The following DCLK1 variants were observed in gnomAD, a reference collection of about 807,000 sequenced individuals.
The protein encoded by DCLK1 is serine/threonine-protein kinase DCLK1.
A neutral mutation model predicts 86.2 loss-of-function variants in DCLK1; 16 were observed. That is an observed-to-expected ratio of 0.19 (90% CI 0.13 to 0.28). DCLK1 has a LOEUF of 0.28. Among genes scored for constraint, DCLK1 ranks in the 10% least tolerant of loss-of-function variants. The pLI, the probability that DCLK1 is intolerant of heterozygous loss-of-function variation, is 1.00. For missense variants in DCLK1, 590 were observed against 940.2 expected (o/e 0.63, Z 4.87); for synonymous variants, 369 against 370.5 (o/e 1.00, Z 0.05).
At chr13:36,067,447 T>C (rs1429147583) in intron 3 of DCLK1, among the ~76,000 whole-genome samples, 2 of 137,564 alleles carry the variant, frequency 1.5e-5, no homozygotes, top group Non-Finnish European at 3.1e-5. Flanking sequence ...TTAGGAGATA[T>C]ACCTAATGCT....
intron 6 of DCLK1, chr13:35,847,346 AAGAGCC>A (rs571706040): frequency 3.0e-6 from 3 of 985,154 alleles, no homozygotes; most frequent in Non-Finnish European, 3.6e-6. Flanking sequence ...ATAATTCCAC[AAGAGCC>A]AGTAACTTAT....
chr13:36,059,422 T>A (rs1883456341), intron 3 of DCLK1, among the ~76,000 whole-genome samples: 1 of 150,364 alleles, frequency 6.7e-6, no homozygotes, highest in Non-Finnish European at 1.5e-5. Context: ...CCAAAAGCAG[T>A]TTATAAGGCA....
rs2086280889 is a variant in DCLK1 at position 35,769,003 on chromosome 13, T to C, written c.*5532A>G. 1 of 152,206 alleles carries C rather than the reference T, an allele frequency of 6.6e-6. No individual in the cohort carries two copies. The highest frequency in any genetic ancestry group is 2.4e-5 in the African/African-American group (1 of 41,458). 9.4% of individuals were successfully genotyped at this position (152,206 alleles called of 1,614,324 possible). A position where few individuals can be genotyped will look rare whatever the true frequency, so the allele number is the denominator to read the frequency against. ...TAGTTCATACACCAAGTACTATTAT[T>C]TTATTAACTTTAAGAACATGTTTTA... On this transcript the variant is annotated 3_prime_UTR_variant, in exon 17 of 17. Coordinates refer to ENST00000360631, the MANE Select transcript of DCLK1 (RefSeq NM_001330071.2).
At chr13:35,953,861 G>A (rs1016889614) in intron 3 of DCLK1, among the ~76,000 whole-genome samples, 8 of 152,202 alleles carry the variant, frequency 5.3e-5, no homozygotes, top group Admixed American at 5.2e-4. Context: ...AAACGAAACA[G>A]GGGATATCTC....
chr13:35,931,747 C>G (rs1876444125), intron 4 of DCLK1, among the ~76,000 whole-genome samples: 1 of 152,168 alleles, frequency 6.6e-6, no homozygotes. Context: ...CTATAGTCCT[C>G]AGCATCTGAT....
rs189544224 is a variant in DCLK1 at position 35,808,103 on chromosome 13, C to T, written c.1863+121G>A. The T allele has an allele frequency of 4.0e-5, 39 of 984,150 alleles. No homozygotes were observed. The East Asian group carries it at 7.2e-4, about 18-fold the overall frequency. 61.0% of individuals were successfully genotyped at this position (984,150 alleles called of 1,614,324 possible). A position where few individuals can be genotyped will look rare whatever the true frequency, so the allele number is the denominator to read the frequency against. On this transcript the variant is annotated intron_variant, in intron 14 of 16. Transcript: ENST00000360631. ...ATCTTGGAAAACCTAGCAATTACAA[C>T]TAAAATGTGTACAGAAATCATACTT...
At chr13:35,835,986 C>T (rs372546898) in intron 8 of DCLK1, 47 bp downstream of exon 8, 23 of 1,356,792 alleles carry the variant, frequency 1.7e-5, no homozygotes, top group African/African-American at 4.3e-5. Context: ...GAAAACATAA[C>T]GCCAAATGTA....
rs375271283 is a variant in DCLK1, at chr13:36,016,877, C to T, written c.724-69420G>A. 4.1e-4 allele frequency among the ~76,000 whole-genome samples: 62 copies of T among 152,260 alleles called. 1 individual carries two copies. Among genetic ancestry groups the T allele is most frequent in the African/African-American group, 1.4e-3 (58 of 41,542 alleles). On this transcript the variant is annotated intron_variant, in intron 3 of 16. Transcript: ENST00000360631. ...ATTTTATGGCATGAAGTCTTTGACACGGTGTGCGTACTTCACATTTACAAC... is the reference window on the plus strand; with the variant it reads ...ATTTTATGGCATGAAGTCTTTGACATGGTGTGCGTACTTCACATTTACAAC...
chr13:35,831,572 C>G (rs933580499), intron 8 of DCLK1, among the ~76,000 whole-genome samples: 1 of 152,070 alleles, frequency 6.6e-6, no homozygotes, highest in Non-Finnish European at 1.5e-5. Context: ...GGGAACGAGA[C>G]CTGATCCTTG....
chr13:35,978,239 C>T (rs1879456322), intron 3 of DCLK1, among the ~76,000 whole-genome samples: 1 of 122,666 alleles, frequency 8.2e-6, no homozygotes, highest in African/African-American at 3.1e-5. Flanking sequence ...CGGAGTCTCA[C>T]TCTGTCACCC....
intron 3 of DCLK1, among the ~76,000 whole-genome samples, chr13:36,036,331 A>C (rs968403014): frequency 3.9e-5 from 6 of 152,072 alleles, no homozygotes; most frequent in Non-Finnish European, 8.8e-5. Flanking sequence ...GCTGCTGTGC[A>C]CTCTACCGCT....
intron 2 of DCLK1, among the ~76,000 whole-genome samples, chr13:36,125,047 A>C (rs1293906855): frequency 6.6e-6 from 1 of 152,182 alleles, no homozygotes; most frequent in Non-Finnish European, 1.5e-5. Flanking sequence ...ACCAGGCTGC[A>C]TCCGTGGACG....
intron 4 of DCLK1, among the ~76,000 whole-genome samples, chr13:35,921,501 C>T (rs1315832498): frequency 6.6e-6 from 1 of 152,178 alleles, no homozygotes; most frequent in Non-Finnish European, 1.5e-5. Flanking sequence ...CTTAGATCCA[C>T]AATGCATGGT....
intron 3 of DCLK1, among the ~76,000 whole-genome samples, chr13:36,005,699 C>G (rs1214901268): frequency 6.6e-6 from 1 of 152,136 alleles, no homozygotes; most frequent in African/African-American, 2.4e-5. Context: ...GCTTGTGTTG[C>G]TGGAGTTGGT....
Position 35,789,752 on chromosome 13 carries a change from A to G in DCLK1, c.2058+3614T>C, listed in dbSNP as rs146221358. Among the ~76,000 whole-genome samples, 148 of 152,350 alleles carry G rather than the reference A, an allele frequency of 9.7e-4. 1 individual carries two copies. The highest frequency in any genetic ancestry group is 6.8e-3 in the Middle Eastern group (2 of 294). On this transcript the variant is annotated intron_variant, in intron 16 of 16. Transcript: ENST00000360631. ...ACATCTTAGTCATCGGTTCTTCATC[A>G]AGCTGAGCAAATCTAATAATGCCTC...
At chr13:35,991,044 T>C (rs1484122567) in intron 3 of DCLK1, among the ~76,000 whole-genome samples, 1 of 152,232 alleles carries the variant, frequency 6.6e-6, no homozygotes, top group East Asian at 1.9e-4. Context: ...CCCCAAAATA[T>C]GGCACCTTGT....
At chr13:35,991,249 C>T (rs1290597404) in intron 3 of DCLK1, among the ~76,000 whole-genome samples, 1 of 152,172 alleles carries the variant, frequency 6.6e-6, no homozygotes, top group Non-Finnish European at 1.5e-5. Context: ...ACCATTAGAT[C>T]AGACCTTTAT....
intron 4 of DCLK1, among the ~76,000 whole-genome samples, chr13:35,897,924 T>C (rs1399347331): frequency 6.6e-6 from 1 of 152,212 alleles, no homozygotes; most frequent in Non-Finnish European, 1.5e-5. Context: ...TTTATAAAAA[T>C]TAAATTTCAC....
intron 4 of DCLK1, among the ~76,000 whole-genome samples, chr13:35,875,156 G>T (rs559744077): frequency 6.6e-6 from 1 of 152,306 alleles, no homozygotes; most frequent in Non-Finnish European, 1.5e-5. Flanking sequence ...ACACATTGTT[G>T]TTAAGTAACA....
Sources: allele counts gnomAD v4.1 joint callset (sites outside exome capture counted in the v4.1 genomes callset), GRCh38; gene constraint gnomAD v4.1.1; transcripts MANE v1.5; gene names NCBI Gene and HGNC (gene_info 2026-07-23, HGNC 2026-07-21).